Variants in DNAH9 observed in about 807,000 individuals in gnomAD.
DNAH9 encodes DNAH9 variant protein.
A neutral mutation model predicts 471.6 loss-of-function variants in DNAH9; 345 were observed. The observed-to-expected ratio is 0.73, with a 90% CI of 0.67 to 0.80. The LOEUF (loss-of-function observed/expected upper bound fraction) is 0.80, where lower values mean the gene tolerates loss of function less well. Ranked by LOEUF, DNAH9 falls within the 30% of genes least tolerant of loss-of-function variation. DNAH9 has a pLI of 0.00. For synonymous variants in DNAH9, 2,093 were observed against 2,123.6 expected, an observed-to-expected ratio of 0.99 and a Z score of 0.40; for missense variants, 5,407 against 5,609.2, an observed-to-expected ratio of 0.96 and a Z score of 1.15.
chr17:11,769,794 T>C (rs1175841122), intron 38 of DNAH9, among the ~76,000 whole-genome samples: 10 of 152,220 alleles, frequency 6.6e-5, no homozygotes, highest in Non-Finnish European at 1.5e-4. Context: ...ATGACACATC[T>C]GGTCTGACTC....
intron 27 of DNAH9, among the ~76,000 whole-genome samples, chr17:11,725,703 C>T (rs1377828646): frequency 6.6e-6 from 1 of 152,036 alleles, no homozygotes; most frequent in Non-Finnish European, 1.5e-5. Context: ...CCCGTCTCCA[C>T]TAAACATACA....
Position 11,768,706 on chromosome 17 carries a change from G to A in DNAH9, c.7344+80G>A, listed in dbSNP as rs149540634. 180 of 1,511,578 alleles carry A rather than the reference G, an allele frequency of 1.2e-4. 2 individuals carry two copies. In the African/African-American group the frequency reaches 2.1e-3, roughly 18 times the overall value. 93.6% of individuals were successfully genotyped at this position (1,511,578 alleles called of 1,614,324 possible). A position where few individuals can be genotyped will look rare whatever the true frequency, so the allele number is the denominator to read the frequency against. On this transcript the variant is annotated intron_variant, in intron 37 of 68. Transcript: ENST00000262442. ...AGTGGCTCCAGTAGCAGCCCCGCAT[G>A]GCTATCTGAGCATTTGTCCTTGCTA... is the stretch of plus-strand genomic sequence containing the variant.
At chr17:11,910,823 T>C (rs1973770450) in intron 61 of DNAH9, among the ~76,000 whole-genome samples, 2 of 152,208 alleles carry the variant, frequency 1.3e-5, no homozygotes, top group Non-Finnish European at 2.9e-5. Flanking sequence ...TATGTACCTA[T>C]TGGGCATTTC....
intron 49 of DNAH9, among the ~76,000 whole-genome samples, chr17:11,839,780 G>A (rs1360857473): frequency 6.6e-6 from 1 of 152,116 alleles, no homozygotes; most frequent in African/African-American, 2.4e-5. Context: ...CTTTTGATAT[G>A]CATATACATA....
chr17:11,785,149 AAAG>A (rs1229978759), intron 41 of DNAH9, among the ~76,000 whole-genome samples: 1 of 152,034 alleles, frequency 6.6e-6, no homozygotes, highest in Non-Finnish European at 1.5e-5. Context: ...CATCACCATC[AAAG>A]TCTCCAGAGG....
intron 66 of DNAH9, among the ~76,000 whole-genome samples, chr17:11,938,463 A>T (rs1315410375): frequency 1.3e-5 from 2 of 151,008 alleles, no homozygotes; most frequent in African/African-American, 4.9e-5. Context: ...CTCCAAAAAA[A>T]AAAAAACAAA....
At position 11,606,443 on chromosome 17, in the gene DNAH9, C is replaced by CTTTTTTTTTTTTTTT. The variant is rs1404986645; in HGVS notation, c.418-1682_418-1681insTTTTTTTTTTTTTTT. Among the ~76,000 whole-genome samples the CTTTTTTTTTTTTTTT allele has an allele frequency of 2.6e-3, 182 of 69,124 alleles. 13 individuals are homozygous for CTTTTTTTTTTTTTTT. The highest frequency in any genetic ancestry group is 3.5e-3 in the African/African-American group (64 of 18,034). 45.3% of individuals were successfully genotyped at this position (69,124 alleles called of 152,430 possible). Reference sequence around the variant, plus strand: ...CTGACAACTTTCTTTCTTTTCTTTTCTTTTCTTTTCTTTTTTTTTTTTTTG... The same window carrying CTTTTTTTTTTTTTTT: ...CTGACAACTTTCTTTCTTTTCTTTTCTTTTTTTTTTTTTTTTTTTCTTTTCTTTTTTTTTTTTTTG... On this transcript the variant is annotated intron_variant, in intron 1 of 68. Transcript: ENST00000262442.
intron 50 of DNAH9, among the ~76,000 whole-genome samples, chr17:11,865,953 C>T (rs1229394324): frequency 6.6e-6 from 1 of 152,120 alleles, no homozygotes; most frequent in Non-Finnish European, 1.5e-5. Context: ...AACTTCTTTG[C>T]CTTTGGTTTG....
At chr17:11,879,306 C>A (rs1972625298) in intron 53 of DNAH9, among the ~76,000 whole-genome samples, 1 of 152,090 alleles carries the variant, frequency 6.6e-6, no homozygotes, top group Non-Finnish European at 1.5e-5. Context: ...TTCTACACAT[C>A]TATATTGTTG....
At chr17:11,649,184 A>G (rs771585913) in intron 12 of DNAH9, among the ~76,000 whole-genome samples, 2 of 152,232 alleles carry the variant, frequency 1.3e-5, no homozygotes, top group East Asian at 3.9e-4. Context: ...CTAGAGGGAC[A>G]TGATCAGAAA....
At chr17:11,948,146 T>A (rs765250479) in intron 67 of DNAH9, among the ~76,000 whole-genome samples, 9 of 151,858 alleles carry the variant, frequency 5.9e-5, no homozygotes, top group Non-Finnish European at 8.8e-5. Flanking sequence ...CCCTCCTGAT[T>A]GACAAAATCT....
At chr17:11,842,665 G>C (rs1214379184) in intron 49 of DNAH9, among the ~76,000 whole-genome samples, 1 of 152,170 alleles carries the variant, frequency 6.6e-6, no homozygotes, top group East Asian at 1.9e-4. Context: ...TGATGTTAGA[G>C]GGCAGAAAGC....
At position 11,611,694 on chromosome 17, in the gene DNAH9, C is replaced by T. The variant is rs760171024; in HGVS notation, c.818C>T (p.Thr273Met). ...KYIYNQLRTI[T>M]VRGMAKLLDK... ...ATCTATAATCAACTGAGAACAATAACGGTGAGGGGCATGGCCAAGCTCCTG... is the reference window on the plus strand; with the variant it reads ...ATCTATAATCAACTGAGAACAATAATGGTGAGGGGCATGGCCAAGCTCCTG... Residue 273 changes from threonine to methionine, a missense_variant, in exon 4 of 69, where the codon ACG (threonine) becomes ATG (methionine). Thr to Met is a moderately conservative substitution (Grantham distance 81). Transcript: ENST00000262442. The T allele has an allele frequency of 1.2e-5, 20 of 1,613,662 alleles. No individual in the cohort carries two copies. The highest frequency in any genetic ancestry group is 1.2e-4 in the African/African-American group (9 of 74,920).
chr17:11,948,738 C>CTTA (rs945149522), intron 67 of DNAH9, among the ~76,000 whole-genome samples: 4 of 152,176 alleles, frequency 2.6e-5, no homozygotes, highest in African/African-American at 9.7e-5. Flanking sequence ...GAGTGGGACC[C>CTTA]TTATCACTTT....
rs1597488413 is a variant in DNAH9 at position 11,694,259 on chromosome 17, T to C, written c.4746-62T>C. 3.9e-6 allele frequency: 6 copies of C among 1,558,128 alleles called. No individual in the cohort carries two copies. In the Admixed American group the frequency reaches 8.7e-5, roughly 22 times the overall value. The stretch of plus-strand genomic sequence containing the variant: ...ATTGCATATACATACATTTAAGTAA[T>C]GTATGTGTATCCATGGGTCTAGACA... On this transcript the variant is annotated intron_variant, in intron 21 of 68. Coordinates refer to ENST00000262442, the MANE Select transcript of DNAH9 (RefSeq NM_001372.4).
At chr17:11,762,842 C>T (rs190119619) in intron 35 of DNAH9, among the ~76,000 whole-genome samples, 21 of 141,762 alleles carry the variant, frequency 1.5e-4, no homozygotes, top group African/African-American at 3.6e-4. Context: ...TGCAGTGGCC[C>T]GATCTCAGCT....
At chr17:11,779,755 T>C (rs1968600139) in intron 38 of DNAH9, among the ~76,000 whole-genome samples, 1 of 152,234 alleles carries the variant, frequency 6.6e-6, no homozygotes, top group East Asian at 1.9e-4. Flanking sequence ...TCACATATAG[T>C]TGTTATATCT....
At position 11,894,515 on chromosome 17, in the gene DNAH9, A is replaced by G. The variant is rs764008934; in HGVS notation, c.11406+19A>G. 5 of 1,606,962 alleles carry G rather than the reference A, an allele frequency of 3.1e-6. No individual in the cohort carries two copies. The East Asian group carries it at 8.9e-5, about 29-fold the overall frequency. ...TGTCAAGGTCAGTATTGACCCCTAG[A>G]AAAAAGCCAAGCTCTCATCTCTCAG... is the stretch of plus-strand genomic sequence containing the variant. On this transcript the variant is annotated intron_variant, in intron 59 of 68. Coordinates refer to ENST00000262442, the MANE Select transcript of DNAH9 (RefSeq NM_001372.4).
chr17:11,602,479 C>A (rs2072406954), intron 1 of DNAH9, among the ~76,000 whole-genome samples: 1 of 152,094 alleles, frequency 6.6e-6, no homozygotes, highest in South Asian at 2.1e-4. Context: ...GGGCAGGTGG[C>A]CTCCTTGTTC....
Sources: gnomAD v4.1 joint callset for allele counts (sites outside exome capture counted in the v4.1 genomes callset) on GRCh38, gnomAD v4.1.1 for gene constraint, MANE v1.5 for transcripts, NCBI Gene and HGNC (gene_info 2026-07-23, HGNC 2026-07-21) for gene names.